Variants in SORCS3 observed in about 807,000 individuals in gnomAD.
The protein encoded by SORCS3 is VPS10 domain-containing receptor SorCS3.
Under a neutral mutation model 146.3 loss-of-function variants are expected in SORCS3, and 57 were observed. The ratio of observed to expected loss-of-function variants is 0.39; its 90% CI spans 0.31 to 0.49. The LOEUF (loss-of-function observed/expected upper bound fraction) is 0.49. Ranked by LOEUF, SORCS3 falls within the 20% of genes least tolerant of loss-of-function variation. The probability of loss-of-function intolerance (pLI) is 0.92; values close to 1 mark genes in which losing one functional copy is unlikely to be tolerated. For missense variants in SORCS3, 1,341 were observed against 1,575.5 expected (o/e 0.85, Z 2.52); for synonymous variants, 653 against 618.5 (o/e 1.06, Z -0.83).
intron 7 of SORCS3, among the ~76,000 whole-genome samples, chr10:105,121,374 CAAGTTTCAGTGAA>C (rs1171927555): frequency 6.6e-6 from 1 of 152,064 alleles, no homozygotes; most frequent in African/African-American, 2.4e-5. Flanking sequence ...TGGAGGAAAC[CAAGTTTCAGTGAA>C]ATATAGGTAA....
intron 1 of SORCS3, among the ~76,000 whole-genome samples, chr10:104,646,696 C>T (rs2015499424): frequency 6.6e-6 from 1 of 152,066 alleles, no homozygotes; most frequent in Non-Finnish European, 1.5e-5. Context: ...GAGACACTTC[C>T]CTTACAGGGA....
At chr10:105,189,790 A>G (rs2056504965) in intron 14 of SORCS3, among the ~76,000 whole-genome samples, 1 of 152,144 alleles carries the variant, frequency 6.6e-6, no homozygotes, top group Non-Finnish European at 1.5e-5. Context: ...GCTCATCCAT[A>G]AAGACCCCTC....
At chr10:105,053,511 A>G (rs2055426648) in intron 5 of SORCS3, among the ~76,000 whole-genome samples, 2 of 152,084 alleles carry the variant, frequency 1.3e-5, no homozygotes, top group Admixed American at 1.3e-4. Context: ...AAAAGAAAAT[A>G]ATTACCTATA....
At chr10:104,812,837 G>T (rs2017755440) in intron 1 of SORCS3, among the ~76,000 whole-genome samples, 1 of 152,218 alleles carries the variant, frequency 6.6e-6, no homozygotes. Context: ...GTATTTGGAG[G>T]AAGTATGCAC....
At position 104,668,514 on chromosome 10, in the gene SORCS3, A is replaced by G. The variant is rs1183029968; in HGVS notation, c.627+26560A>G. 2.6e-5 allele frequency among the ~76,000 whole-genome samples: 4 copies of G among 152,298 alleles called. No individual in the cohort carries two copies. In the East Asian group the frequency reaches 7.7e-4, roughly 29 times the overall value. ...TCCCTACATTTAAATGTCTTCATATACAAAATAGGCATGAATATATATTTG... is the reference window on the plus strand; with the variant it reads ...TCCCTACATTTAAATGTCTTCATATGCAAAATAGGCATGAATATATATTTG... On this transcript the variant is annotated intron_variant, in intron 1 of 26. Coordinates refer to ENST00000369701, the MANE Select transcript of SORCS3 (RefSeq NM_014978.3).
At chr10:105,214,313 G>T in intron 17 of SORCS3, 129 bp from the exon 18 acceptor site, 1 of 941,878 alleles carries the variant, frequency 1.1e-6, no homozygotes, top group East Asian at 2.5e-5. Context: ...GGTTTCCAGG[G>T]GCCGCTGTGT....
At chr10:104,943,740 A>G (rs1041188417) in intron 3 of SORCS3, among the ~76,000 whole-genome samples, 2 of 152,200 alleles carry the variant, frequency 1.3e-5, no homozygotes, top group Non-Finnish European at 2.9e-5. Flanking sequence ...AAACAAATTT[A>G]AAGGGTGAAG....
intron 2 of SORCS3, among the ~76,000 whole-genome samples, chr10:104,843,240 C>G (rs2018163838): frequency 6.6e-6 from 1 of 152,088 alleles, no homozygotes; most frequent in South Asian, 2.1e-4. Context: ...AGGACTGCCT[C>G]CAGCCCTTTG....
At chr10:104,863,372 TTTC>T (rs139512733) in intron 2 of SORCS3, among the ~76,000 whole-genome samples, 4,299 of 152,270 alleles carry the variant, frequency 0.028, 81 homozygotes, top group Middle Eastern at 0.065. Flanking sequence ...TGTTCTGGAA[TTTC>T]TTCTTCTCTC....
At chr10:104,895,009 A>G (rs1376267570) in intron 2 of SORCS3, among the ~76,000 whole-genome samples, 2 of 152,220 alleles carry the variant, frequency 1.3e-5, no homozygotes, top group Non-Finnish European at 2.9e-5. Flanking sequence ...TATGCATATT[A>G]AAAAGCAGCT....
intron 1 of SORCS3, among the ~76,000 whole-genome samples, chr10:104,746,200 G>C (rs1256452882): frequency 1.3e-5 from 2 of 150,032 alleles, no homozygotes; most frequent in Non-Finnish European, 3.0e-5. Flanking sequence ...GCAGTGGTGC[G>C]ATCTCGGCTC....
intron 1 of SORCS3, among the ~76,000 whole-genome samples, chr10:104,818,619 C>A (rs965922018): frequency 5.3e-5 from 8 of 152,162 alleles, no homozygotes; most frequent in Admixed American, 5.2e-4. Flanking sequence ...GGATCCCCTG[C>A]TTTTCTGTGC....
intron 20 of SORCS3, among the ~76,000 whole-genome samples, chr10:105,225,484 A>C (rs1052905015): frequency 6.6e-6 from 1 of 151,900 alleles, no homozygotes; most frequent in African/African-American, 2.4e-5. Flanking sequence ...TGATCACTGT[A>C]GATTTATAAT....
intron 14 of SORCS3, among the ~76,000 whole-genome samples, chr10:105,199,552 C>T (rs2119612178): frequency 6.6e-6 from 1 of 152,254 alleles, no homozygotes; most frequent in East Asian, 1.9e-4. Context: ...CATATACTTA[C>T]AATCCACTTT....
chr10:104,724,182 A>G (rs2016591577), intron 1 of SORCS3, among the ~76,000 whole-genome samples: 1 of 152,062 alleles, frequency 6.6e-6, no homozygotes, highest in South Asian at 2.1e-4. Context: ...TGGTGACAAA[A>G]TCTCTCAGCA....
chr10:104,862,663 T>A lies in SORCS3; in HGVS notation c.695+19804T>A, dbSNP rs190174103. On this transcript the variant is annotated intron_variant, in intron 2 of 26. Transcript: ENST00000369701. Reference sequence around the variant, plus strand: ...TAATGTATAAACTGAATTGTATGTGTTTTTAAATATAATGTGTAAACTGAA... The same window carrying A: ...TAATGTATAAACTGAATTGTATGTGATTTTAAATATAATGTGTAAACTGAA... 2.3e-3 allele frequency among the ~76,000 whole-genome samples: 347 copies of A among 152,286 alleles called. 1 individual carries two copies. The highest frequency in any genetic ancestry group is 7.8e-3 in the African/African-American group (324 of 41,572).
chr10:105,142,292 T>C (rs4492746), intron 8 of SORCS3, among the ~76,000 whole-genome samples: 77,056 of 151,918 alleles, frequency 0.51, 19,824 homozygotes, highest in Admixed American at 0.55. Context: ...AGAGCCAAGG[T>C]TAAGAAATTC....
At chr10:104,761,697 G>A (rs1303116612) in intron 1 of SORCS3, among the ~76,000 whole-genome samples, 1 of 152,182 alleles carries the variant, frequency 6.6e-6, no homozygotes, top group Non-Finnish European at 1.5e-5. Context: ...AGGCTTCTGG[G>A]AGAGGGTGAA....
At chr10:105,016,349 C>A (rs1342319435) in intron 4 of SORCS3, among the ~76,000 whole-genome samples, 1 of 151,036 alleles carries the variant, frequency 6.6e-6, no homozygotes, top group Non-Finnish European at 1.5e-5. Context: ...TAAGGTTTCA[C>A]CATGTTGGCC....
Sources: gnomAD v4.1 joint callset for allele counts (sites outside exome capture counted in the v4.1 genomes callset) on GRCh38, gnomAD v4.1.1 for gene constraint, MANE v1.5 for transcripts, NCBI Gene and HGNC (gene_info 2026-07-23, HGNC 2026-07-21) for gene names.